Variants in DLG2 observed in about 807,000 individuals in gnomAD.
DLG2 encodes disks large homolog 2.
A neutral mutation model predicts 132.5 loss-of-function variants in DLG2; 45 were observed. The ratio of observed to expected loss-of-function variants is 0.34; its 90% CI spans 0.27 to 0.44. The LOEUF (loss-of-function observed/expected upper bound fraction) is 0.44. Ranked by LOEUF, DLG2 falls within the 20% of genes least tolerant of loss-of-function variation. The probability of loss-of-function intolerance (pLI) is 1.00; values close to 1 mark genes in which losing one functional copy is unlikely to be tolerated. For synonymous variants in DLG2, 424 were observed against 419.6 expected (o/e 1.01, Z -0.13); for missense variants, 1,045 against 1,196.9 (o/e 0.87, Z 1.87).
intron 3 of DLG2, among the ~76,000 whole-genome samples, chr11:85,492,576 C>T (rs921364307): frequency 2.0e-5 from 3 of 152,050 alleles, no homozygotes; most frequent in Non-Finnish European, 4.4e-5. Context: ...TTTTTATCAT[C>T]TCAAATTCTT....
rs182306671 is a variant in DLG2, at chr11:84,744,583, C to T, written c.358-209852G>A. On this transcript the variant is annotated intron_variant, in intron 6 of 27. Coordinates refer to ENST00000376104, the MANE Select transcript of DLG2 (RefSeq NM_001142699.3). The stretch of plus-strand genomic sequence containing the variant: ...CTTTTCTATAAAAATACTAAACATA[C>T]CTTAATCTATTTTAAAATTGAAATA... 6.1e-3 allele frequency among the ~76,000 whole-genome samples: 922 copies of T among 152,172 alleles called. 4 individuals carry two copies. The highest frequency in any genetic ancestry group is 0.01 in the Non-Finnish European group (693 of 67,992).
At chr11:85,150,277 C>T (rs2077149469) in intron 5 of DLG2, among the ~76,000 whole-genome samples, 1 of 152,024 alleles carries the variant, frequency 6.6e-6, no homozygotes, top group Non-Finnish European at 1.5e-5. Context: ...GTCTCAGCCT[C>T]CCAAAGTACT....
chr11:85,115,716 G>A (rs370873635), intron 5 of DLG2, among the ~76,000 whole-genome samples: 1 of 151,920 alleles, frequency 6.6e-6, no homozygotes, highest in East Asian at 1.9e-4. Flanking sequence ...GGTGTAAGAA[G>A]AGGGCGTTAC....
At chr11:84,569,006 C>T (rs2099469536) in intron 6 of DLG2, among the ~76,000 whole-genome samples, 1 of 152,136 alleles carries the variant, frequency 6.6e-6, no homozygotes, top group African/African-American at 2.4e-5. Flanking sequence ...GCAAAATTGC[C>T]CAGCCAGAGA....
At chr11:84,315,987 A>G (rs2098350278) in intron 7 of DLG2, among the ~76,000 whole-genome samples, 1 of 152,182 alleles carries the variant, frequency 6.6e-6, no homozygotes, top group African/African-American at 2.4e-5. Flanking sequence ...GTTCTGTATG[A>G]CAGTGACTAC....
At chr11:83,855,681 T>C (rs2060425089) in intron 16 of DLG2, among the ~76,000 whole-genome samples, 1 of 152,044 alleles carries the variant, frequency 6.6e-6, no homozygotes, top group South Asian at 2.1e-4. Flanking sequence ...AAGGGATGAA[T>C]TGGTAAAAGA....
chr11:85,348,190 T>C (rs928718195), intron 3 of DLG2, among the ~76,000 whole-genome samples: 1 of 150,872 alleles, frequency 6.6e-6, no homozygotes, highest in African/African-American at 2.4e-5. Context: ...TTTCACCATG[T>C]TGGCCAGGAT....
chr11:84,802,359 C>T (rs998857452), intron 6 of DLG2, among the ~76,000 whole-genome samples: 61 of 151,580 alleles, frequency 4.0e-4, no homozygotes, highest in African/African-American at 1.3e-3. Flanking sequence ...TGAAGCACTC[C>T]GGAACCCAGC....
chr11:84,924,130 T>G (rs1053699751), intron 6 of DLG2, among the ~76,000 whole-genome samples: 1 of 152,104 alleles, frequency 6.6e-6, no homozygotes, highest in East Asian at 1.9e-4. Context: ...ATCCGTCAGA[T>G]CCTTCTATCT....
In DLG2 at chr11:84,813,662, T is replaced by C. The variant is rs2076810113; in HGVS notation, c.358-278931A>G. ...AGATATTGAGACAACCCCAGGCAGG[T>C]CTCAGAATGACATAGAATGGGTCTT... is the stretch of plus-strand genomic sequence containing the variant. On this transcript the variant is annotated intron_variant, in intron 6 of 27. Transcript: ENST00000376104. Among the ~76,000 whole-genome samples, 8 of 152,212 alleles carry C rather than the reference T, an allele frequency of 5.3e-5. No individual in the cohort carries two copies. The South Asian group carries it at 1.5e-3, about 28-fold the overall frequency.
At chr11:85,233,800 G>T (rs1460369913) in intron 4 of DLG2, among the ~76,000 whole-genome samples, 1 of 150,728 alleles carries the variant, frequency 6.6e-6, no homozygotes, top group African/African-American at 2.4e-5. Flanking sequence ...GTGACTATGT[G>T]TGTGTGAGTT....
At position 83,703,090 on chromosome 11, in the gene DLG2, C is replaced by T. The variant is rs543735126; in HGVS notation, c.1826-69765G>A. Among the ~76,000 whole-genome samples the T allele has an allele frequency of 9.2e-5, 14 of 152,304 alleles. No homozygotes were observed. In the South Asian group the frequency reaches 2.7e-3, roughly 29 times the overall value. ...AACTCTCACATAGCCCCAGGAAAGC[C>T]ACATGCTCTTGCCTTTTAACCCAGC... On this transcript the variant is annotated intron_variant, in intron 18 of 27. Transcript: ENST00000376104.
At chr11:84,458,902 C>T (rs374998459) in intron 7 of DLG2, among the ~76,000 whole-genome samples, 30 of 150,724 alleles carry the variant, frequency 2.0e-4, no homozygotes, top group African/African-American at 7.0e-4. Flanking sequence ...AAATTCTTTA[C>T]ATGAATTATC....
At chr11:83,891,782 G>T (rs1489427085) in intron 15 of DLG2, among the ~76,000 whole-genome samples, 2 of 152,152 alleles carry the variant, frequency 1.3e-5, no homozygotes, top group Non-Finnish European at 2.9e-5. Context: ...TTATTTTGCT[G>T]GGTTCTAATT....
intron 8 of DLG2, among the ~76,000 whole-genome samples, chr11:84,232,564 G>A (rs758846225): frequency 1.3e-5 from 2 of 152,142 alleles, no homozygotes; most frequent in Admixed American, 6.5e-5. Flanking sequence ...GTTATGAGGT[G>A]GAGCCCTCAT....
chr11:85,294,772 G>T (rs2079117468), intron 3 of DLG2, among the ~76,000 whole-genome samples: 1 of 152,142 alleles, frequency 6.6e-6, no homozygotes, highest in Non-Finnish European at 1.5e-5. Context: ...AGTCAAGGGT[G>T]CAGACACTTG....
intron 6 of DLG2, among the ~76,000 whole-genome samples, chr11:84,978,032 T>G (rs923381187): frequency 6.6e-6 from 1 of 152,098 alleles, no homozygotes. Context: ...TTTGAGTTGG[T>G]AAAAATTCCC....
chr11:83,654,614 T>C (rs1009520603), intron 18 of DLG2, among the ~76,000 whole-genome samples: 1 of 152,214 alleles, frequency 6.6e-6, no homozygotes, highest in Non-Finnish European at 1.5e-5. Flanking sequence ...TTTGGTTCTA[T>C]GTGTGTACTT....
chr11:84,168,142 C>A (rs900400754), intron 8 of DLG2, among the ~76,000 whole-genome samples: 1 of 152,170 alleles, frequency 6.6e-6, no homozygotes, highest in East Asian at 1.9e-4. Context: ...TAAGATACAG[C>A]CATATTCTAG....
Sources: gnomAD v4.1 joint callset for allele counts (sites outside exome capture counted in the v4.1 genomes callset) on GRCh38, gnomAD v4.1.1 for gene constraint, MANE v1.5 for transcripts, NCBI Gene and HGNC (gene_info 2026-07-23, HGNC 2026-07-21) for gene names.